EPB41L4A: variants seen among roughly 807,000 people sequenced by gnomAD.
The protein encoded by EPB41L4A is erythrocyte membrane protein band 4.1 like 4A.
Under a neutral mutation model 108.6 loss-of-function variants are expected in EPB41L4A, and 100 were observed. The observed-to-expected ratio is 0.92, with a 90% CI of 0.78 to 1.09. The LOEUF (loss-of-function observed/expected upper bound fraction) is 1.09, where lower values mean the gene tolerates loss of function less well. Ranked by LOEUF, EPB41L4A falls within the 50% of genes least tolerant of loss-of-function variation. EPB41L4A has a pLI of 0.00. For missense variants in EPB41L4A, 1,030 were observed against 842.7 expected, an observed-to-expected ratio of 1.22 and a Z score of -2.75; for synonymous variants, 319 against 289.0, an observed-to-expected ratio of 1.10 and a Z score of -1.05.
chr5:112,146,788 G>A (rs1345347262), intron 12 of EPB41L4A, among the ~76,000 whole-genome samples: 1 of 152,042 alleles, frequency 6.6e-6, no homozygotes, highest in African/African-American at 2.4e-5. Context: ...TTATCCTCCT[G>A]GTTAGCTTAG....
chr5:112,292,514 A>T (rs1165124248), intron 2 of EPB41L4A, among the ~76,000 whole-genome samples: 1 of 152,116 alleles, frequency 6.6e-6, no homozygotes, highest in Non-Finnish European at 1.5e-5. Flanking sequence ...TGAAACAAAA[A>T]AGCACCTGCA....
intron 12 of EPB41L4A, among the ~76,000 whole-genome samples, chr5:112,210,882 G>A (rs985914227): frequency 5.3e-5 from 8 of 151,406 alleles, no homozygotes; most frequent in Non-Finnish European, 8.8e-5. Flanking sequence ...TGTCTTCCTC[G>A]GAGCTACTCC....
chr5:112,325,282 A>C (rs577595360), intron 1 of EPB41L4A, among the ~76,000 whole-genome samples: 1 of 152,268 alleles, frequency 6.6e-6, no homozygotes, highest in Admixed American at 6.5e-5. Context: ...TCTACTAAAA[A>C]TACAAAAAAT....
intron 1 of EPB41L4A, among the ~76,000 whole-genome samples, chr5:112,354,393 G>C (rs1758243805): frequency 6.6e-6 from 1 of 151,968 alleles, no homozygotes; most frequent in African/African-American, 2.4e-5. Context: ...AAGTAATAAA[G>C]GGAAAATAAA....
At chr5:112,356,844 TG>T (rs1758392385) in intron 1 of EPB41L4A, among the ~76,000 whole-genome samples, 1 of 152,236 alleles carries the variant, frequency 6.6e-6, no homozygotes, top group South Asian at 2.1e-4. Context: ...TGCAGTGGTC[TG>T]GAACATGTTG....
chr5:112,199,543 T>A (rs906233727), intron 15 of EPB41L4A, among the ~76,000 whole-genome samples: 2 of 152,182 alleles, frequency 1.3e-5, no homozygotes, highest in African/African-American at 4.8e-5. Flanking sequence ...AGTAACATAC[T>A]TAAGATTATA....
At chr5:112,339,517 TAG>T (rs1389687977) in intron 1 of EPB41L4A, among the ~76,000 whole-genome samples, 28 of 62,336 alleles carry the variant, frequency 4.5e-4, no homozygotes, top group Non-Finnish European at 5.7e-4. Flanking sequence ...TATAGATATA[TAG>T]ATATATATCT....
At chr5:112,159,432 T>C (rs1021744755), downstream of EPB41L4A, among the ~76,000 whole-genome samples, 14 of 152,370 alleles carry the variant, frequency 9.2e-5, no homozygotes, top group African/African-American at 3.1e-4. Flanking sequence ...CAAGGAGTTA[T>C]GGTTATCAGG....
intron 18 of EPB41L4A, among the ~76,000 whole-genome samples, chr5:112,182,684 T>C (rs940368409): frequency 1.3e-5 from 2 of 152,176 alleles, no homozygotes; most frequent in African/African-American, 2.4e-5. Context: ...GGTAAAAATA[T>C]GGTGGCAAAA....
intron 1 of EPB41L4A, among the ~76,000 whole-genome samples, chr5:112,376,605 A>G (rs927273143): frequency 6.6e-6 from 1 of 152,208 alleles, no homozygotes; most frequent in Admixed American, 6.5e-5. Context: ...AGCTTTATTC[A>G]TAAAGTCAAA....
chr5:112,259,368 GA>G, intron 8 of EPB41L4A, 76 bp from the exon 9 acceptor site: 2 of 1,196,284 alleles, frequency 1.7e-6, no homozygotes, highest in Non-Finnish European at 2.5e-6. Flanking sequence ...GTATCCAGTG[GA>G]AAAAGACTGG....
At chr5:112,227,496 T>C (rs941311280) in intron 12 of EPB41L4A, among the ~76,000 whole-genome samples, 1 of 152,218 alleles carries the variant, frequency 6.6e-6, no homozygotes, top group East Asian at 1.9e-4. Context: ...CAGCAACTCA[T>C]CTGACAGATG....
intron 1 of EPB41L4A, among the ~76,000 whole-genome samples, chr5:112,413,842 T>G (rs779451552): frequency 6.6e-6 from 1 of 152,246 alleles, no homozygotes; most frequent in Non-Finnish European, 1.5e-5. Context: ...GCAAGTCACT[T>G]GGACTGGCAG....
intron 1 of EPB41L4A, among the ~76,000 whole-genome samples, chr5:112,323,296 G>A (rs1755924144): frequency 6.6e-6 from 1 of 152,164 alleles, no homozygotes; most frequent in South Asian, 2.1e-4. Flanking sequence ...AGGGCTCCCA[G>A]CAAGCTTAGG....
At chr5:112,228,716 C>T in intron 12 of EPB41L4A, 5 of 985,394 alleles carry the variant, frequency 5.1e-6, no homozygotes, top group Non-Finnish European at 4.8e-6. Flanking sequence ...GTGTGAGTTG[C>T]CAAGAACTTG....
chr5:112,143,867 A>G (rs541885773), exon 14 of EPB41L4A: 170 of 455,984 alleles, frequency 3.7e-4, no homozygotes, highest in African/African-American at 2.9e-3. Flanking sequence ...AACAGGGAGA[A>G]AGCAGAGTCT....
At chr5:112,311,477 T>C (rs1338031490) in intron 1 of EPB41L4A, among the ~76,000 whole-genome samples, 1 of 152,202 alleles carries the variant, frequency 6.6e-6, no homozygotes, top group Non-Finnish European at 1.5e-5. Context: ...ATCACACTAA[T>C]GGTTTCCCAG....
chr5:112,379,836 A>G (rs76872273), intron 1 of EPB41L4A, among the ~76,000 whole-genome samples: 5,135 of 152,290 alleles, frequency 0.034, 153 homozygotes, highest in African/African-American at 0.078. Flanking sequence ...AGAATCAAGC[A>G]CTTTTTGCCA....
chr5:112,413,128 T>C (rs550005985), intron 1 of EPB41L4A, among the ~76,000 whole-genome samples: 21 of 152,300 alleles, frequency 1.4e-4, no homozygotes, highest in Non-Finnish European at 2.2e-4. Flanking sequence ...TATTTTCCAT[T>C]TGGGAAATAT....
Sources: allele counts gnomAD v4.1 joint callset (sites outside exome capture counted in the v4.1 genomes callset), GRCh38; gene constraint gnomAD v4.1.1; transcripts MANE v1.5; gene names NCBI Gene and HGNC (gene_info 2026-07-23, HGNC 2026-07-21).